PSD3: variants seen among roughly 807,000 people sequenced by gnomAD.
PSD3 encodes PH and SEC7 domain-containing protein 3.
A neutral mutation model predicts 105.5 loss-of-function variants in PSD3; 49 were observed. The observed-to-expected ratio is 0.46, with a 90% CI of 0.37 to 0.59. The LOEUF (loss-of-function observed/expected upper bound fraction) is 0.59, where lower values mean the gene tolerates loss of function less well. PSD3 is among the 20% of genes least tolerant of loss of function. The pLI is 0.00. For missense variants in PSD3, 1,561 were observed against 1,263.8 expected (o/e 1.24, Z -3.57); for synonymous variants, 557 against 457.8 (o/e 1.22, Z -2.77).
chr8:18,768,719 C>T (rs1035518312), intron 8 of PSD3, among the ~76,000 whole-genome samples: 10 of 152,178 alleles, frequency 6.6e-5, no homozygotes, highest in Non-Finnish European at 1.5e-4. Context: ...CCTTTCCCAG[C>T]CACCCTTCTC....
At chr8:18,876,130 G>A (rs1190751798) in intron 2 of PSD3, among the ~76,000 whole-genome samples, 1 of 151,310 alleles carries the variant, frequency 6.6e-6, no homozygotes, top group Non-Finnish European at 1.5e-5. Context: ...TCTCTCTATG[G>A]TTCCCAGGCT....
chr8:18,629,677 C>G (rs1994439), intron 11 of PSD3, among the ~76,000 whole-genome samples: 32,887 of 151,832 alleles, frequency 0.22, 4,130 homozygotes, highest in Middle Eastern at 0.41. Flanking sequence ...GACAGATAAT[C>G]ATCTGTCATA....
intron 10 of PSD3, among the ~76,000 whole-genome samples, chr8:18,636,706 C>T (rs1387133137): frequency 6.6e-6 from 1 of 152,166 alleles, no homozygotes; most frequent in African/African-American, 2.4e-5. Context: ...TTTTTGATTA[C>T]TGTTTGTTTT....
At chr8:19,062,983 A>C (rs1483998219) in intron 1 of PSD3, among the ~76,000 whole-genome samples, 2 of 152,244 alleles carry the variant, frequency 1.3e-5, no homozygotes, top group Non-Finnish European at 2.9e-5. Context: ...GGTATTTGTT[A>C]ATTAAAAAAA....
At chr8:18,861,126 C>A (rs1816403582) in intron 4 of PSD3, among the ~76,000 whole-genome samples, 1 of 152,168 alleles carries the variant, frequency 6.6e-6, no homozygotes, top group South Asian at 2.1e-4. Context: ...AGGGAGGGCA[C>A]AAGACCACCA....
intron 9 of PSD3, among the ~76,000 whole-genome samples, chr8:18,692,740 G>A (rs1801039624): frequency 6.6e-6 from 1 of 152,100 alleles, no homozygotes; most frequent in East Asian, 1.9e-4. Flanking sequence ...GTCACTTTGG[G>A]CACATTTTCT....
At chr8:19,004,534 A>G (rs372238434) in intron 1 of PSD3, among the ~76,000 whole-genome samples, 3 of 152,234 alleles carry the variant, frequency 2.0e-5, no homozygotes, top group Admixed American at 6.5e-5. Context: ...CAAAGCATAT[A>G]TCTGATAGGA....
rs143328556 is a variant in PSD3 at position 18,557,309 on chromosome 8, A to G, written c.2785-957T>C. ...TAAATGTATTTTATATAACACCAAC[A>G]TAATTGTAGAACACAAAAATCTTGT... On this transcript the variant is annotated intron_variant, in intron 14 of 15. Coordinates refer to ENST00000327040, the MANE Select transcript of PSD3 (RefSeq NM_015310.4). Among the ~76,000 whole-genome samples, 113 of 152,368 alleles carry G rather than the reference A, an allele frequency of 7.4e-4. 3 individuals are homozygous for G. The East Asian group carries it at 0.018, about 24-fold the overall frequency.
At position 18,618,945 on chromosome 8, in the gene PSD3, C is replaced by T. The variant is rs73583995; in HGVS notation, c.2410+13668G>A. On this transcript the variant is annotated intron_variant, in intron 11 of 15. Transcript: ENST00000327040. ...ATGACCTTTGTGTCCAAAGATATCACGGAACTTCCTTTTGTAATTCAGTTC... is the reference window on the plus strand; with the variant it reads ...ATGACCTTTGTGTCCAAAGATATCATGGAACTTCCTTTTGTAATTCAGTTC... 2.5e-3 allele frequency among the ~76,000 whole-genome samples: 377 copies of T among 152,258 alleles called. 2 individuals are homozygous for T. The highest frequency in any genetic ancestry group is 7.5e-3 in the African/African-American group (310 of 41,544).
At chr8:19,052,209 C>T (rs574056213) in intron 1 of PSD3, among the ~76,000 whole-genome samples, 7 of 152,262 alleles carry the variant, frequency 4.6e-5, no homozygotes, top group South Asian at 2.1e-4. Context: ...CACGGTGGCT[C>T]ACGCCTGTAA....
intron 10 of PSD3, among the ~76,000 whole-genome samples, chr8:18,648,887 C>G (rs1808256369): frequency 6.6e-6 from 1 of 152,218 alleles, no homozygotes; most frequent in African/African-American, 2.4e-5. Flanking sequence ...AAGCCATAAG[C>G]CTTGGTGGCT....
At chr8:18,735,865 T>C (rs1360317185) in intron 9 of PSD3, among the ~76,000 whole-genome samples, 3 of 152,152 alleles carry the variant, frequency 2.0e-5, no homozygotes, top group African/African-American at 7.2e-5. Flanking sequence ...ATAGTAAAAT[T>C]AAGTTTTAGG....
At chr8:18,893,002 T>C (rs1471580035) in intron 2 of PSD3, among the ~76,000 whole-genome samples, 1 of 152,144 alleles carries the variant, frequency 6.6e-6, no homozygotes, top group Non-Finnish European at 1.5e-5. Context: ...CTGATGCAAA[T>C]GAAATAAATG....
chr8:18,776,978 CTT>C (rs1273947713), intron 8 of PSD3, among the ~76,000 whole-genome samples: 2 of 151,952 alleles, frequency 1.3e-5, no homozygotes, highest in Admixed American at 6.6e-5. Context: ...AGTTATGTCT[CTT>C]TTTTTGTTTC....
chr8:19,005,347 T>C (rs1826622498), intron 1 of PSD3, among the ~76,000 whole-genome samples: 1 of 151,950 alleles, frequency 6.6e-6, no homozygotes. Context: ...AAAGGCCACA[T>C]TTTGTATTGT....
intron 1 of PSD3, among the ~76,000 whole-genome samples, chr8:19,056,354 A>T (rs768656188): frequency 1.2e-4 from 18 of 152,192 alleles, no homozygotes; most frequent in African/African-American, 4.3e-4. Flanking sequence ...GATTTAATTT[A>T]AAAAAATTTC....
In PSD3 at chr8:18,550,146, G is replaced by A. The variant is rs529935309; in HGVS notation, c.2928+6063C>T. ...ATTTCAGTAAATGATTGATGAAGGA[G>A]GGATTTAAGGACAGGGAGTCATTTC... On this transcript the variant is annotated intron_variant, in intron 15 of 15. Coordinates refer to ENST00000327040, the MANE Select transcript of PSD3 (RefSeq NM_015310.4). Among the ~76,000 whole-genome samples, 5 of 152,306 alleles carry A rather than the reference G, an allele frequency of 3.3e-5. No homozygotes were observed. In the South Asian group the frequency reaches 1.0e-3, roughly 32 times the overall value.
At chr8:18,583,754 T>G (rs1238419389) in intron 12 of PSD3, among the ~76,000 whole-genome samples, 1 of 152,184 alleles carries the variant, frequency 6.6e-6, no homozygotes, top group Non-Finnish European at 1.5e-5. Context: ...AGCACCCTCC[T>G]CTCTTTGTAG....
chr8:18,963,231 C>T (rs1032611353), intron 1 of PSD3, among the ~76,000 whole-genome samples: 4 of 152,136 alleles, frequency 2.6e-5, no homozygotes, highest in Non-Finnish European at 5.9e-5. Context: ...GTCCCTCCTA[C>T]AACACATGGG....
Sources: allele counts gnomAD v4.1 joint callset (sites outside exome capture counted in the v4.1 genomes callset), GRCh38; gene constraint gnomAD v4.1.1; transcripts MANE v1.5; gene names NCBI Gene and HGNC (gene_info 2026-07-23, HGNC 2026-07-21).